XPC: variants seen among roughly 807,000 people sequenced by gnomAD.
The protein encoded by XPC is XPC complex subunit, DNA damage recognition and repair factor.
In XPC, 76 loss-of-function variants were observed where a neutral mutation model predicts 95.8. The observed-to-expected ratio is 0.79, with a 90% CI of 0.66 to 0.96. The LOEUF (loss-of-function observed/expected upper bound fraction) is 0.96, where lower values mean the gene tolerates loss of function less well. Ranked by LOEUF, XPC falls within the 40% of genes least tolerant of loss-of-function variation. The pLI is 0.00. For missense variants in XPC, 1,146 were observed against 1,179.8 expected, an observed-to-expected ratio of 0.97 and a Z score of 0.42; for synonymous variants, 442 against 442.1, an observed-to-expected ratio of 1.00 and a Z score of 0.00.
rs1553604236 is a variant in XPC at position 14,146,130 on chromosome 3, TG to T, written c.2633del (p.Ala878GlufsTer39). On this transcript the variant is annotated frameshift_variant, in exon 16 of 16. Coordinates refer to ENST00000285021, the MANE Select transcript of XPC (RefSeq NM_004628.5). LOFTEE classifies it high-confidence loss of function. ...KSEAAAPHTD[A>X]GGGLSSDEEE... ...CTTCATCAGAAGAGAGTCCACCTCC[TG>T]CATCTGTGTGGGGAGCTGCTGCCTC... 20 of 1,610,762 alleles carry T rather than the reference TG, an allele frequency of 1.2e-5. No individual in the cohort carries two copies. The highest frequency in any genetic ancestry group is 1.7e-5 in the Non-Finnish European group (20 of 1,179,068).
chr3:14,159,220 C>T (rs907121633), intron 8 of XPC, among the ~76,000 whole-genome samples: 2 of 152,198 alleles, frequency 1.3e-5, no homozygotes, highest in African/African-American at 4.8e-5. Context: ...AATTACTTAA[C>T]CTCCGAGTTT....
Position 14,158,199 on chromosome 3 carries a change from C to T in XPC, c.1684G>A (p.Ala562Thr), listed in dbSNP as rs756095918. The T allele has an allele frequency of 3.7e-6, 6 of 1,613,794 alleles. No homozygotes were observed. The highest frequency in any genetic ancestry group is 1.3e-5 in the African/African-American group (1 of 74,888). Reference protein sequence around the residue: ...VGQPLTCYKYATKPMTYVVGI... With the variant: ...VGQPLTCYKYTTKPMTYVVGI... Reference sequence around the variant, plus strand: ...ACCACATAGGTCATGGGCTTGGTGGCGTACTTGTAACAGGTCAGAGGCTGG... The same window carrying T: ...ACCACATAGGTCATGGGCTTGGTGGTGTACTTGTAACAGGTCAGAGGCTGG... The change falls in exon 9 of 16, where the codon GCC (alanine) becomes ACC (threonine). Residue 562 changes from alanine (A) to threonine (T), a missense_variant. Physicochemically the swap from Ala to Thr is moderately conservative, Grantham distance 58. Transcript: ENST00000285021. This position sits in a 1 kb window ranked among gnomAD's most constrained non-coding sequence, Gnocchi z 5.2.
At chr3:14,153,145 A>G (rs1695765131) in intron 10 of XPC, 1 of 152,156 alleles carries the variant, frequency 6.6e-6, no homozygotes. Flanking sequence ...AGGGCACCCC[A>G]TTTCCTCCTA....
intron 11 of XPC, among the ~76,000 whole-genome samples, chr3:14,150,982 C>G (rs1695665587): frequency 6.6e-6 from 1 of 152,126 alleles, no homozygotes; most frequent in African/African-American, 2.4e-5. Flanking sequence ...CCAAGATGCA[C>G]AGAAAGAGCC....
At chr3:14,170,295 A>C in intron 3 of XPC, 143 bp downstream of exon 3, 2 of 703,906 alleles carry the variant, frequency 2.8e-6, no homozygotes, top group Non-Finnish European at 2.3e-6. Flanking sequence ...ATATCAAAGC[A>C]AGTCCCTAGT....
intron 2 of XPC, 168 bp from the exon 3 acceptor site, chr3:14,170,718 C>T: frequency 5.9e-6 from 3 of 506,420 alleles, no homozygotes; most frequent in South Asian, 3.2e-5. Flanking sequence ...ACATGTGTTC[C>T]AAATCTCATC....
chr3:14,167,574 T>C (rs953325536), intron 4 of XPC, among the ~76,000 whole-genome samples: 1 of 152,234 alleles, frequency 6.6e-6, no homozygotes, highest in Non-Finnish European at 1.5e-5. Flanking sequence ...TTCCGACTAC[T>C]GACTCTCTCC....
intron 10 of XPC, 136 bp from the exon 11 acceptor site, chr3:14,152,552 G>T (rs1400247312): frequency 4.1e-6 from 3 of 730,334 alleles, no homozygotes; most frequent in East Asian, 3.1e-5. Context: ...CTCCTAGGGG[G>T]CCCAGAGAAG....
chr3:14,153,405 TTC>T (rs1460345817), intron 10 of XPC: 5 of 152,244 alleles, frequency 3.3e-5, no homozygotes, highest in African/African-American at 7.2e-5. Flanking sequence ...CATACAACCA[TTC>T]TCTTTTTCAT....
chr3:14,169,914 CATT>C (rs762951507), intron 3 of XPC, among the ~76,000 whole-genome samples: 36 of 152,186 alleles, frequency 2.4e-4, no homozygotes, highest in Non-Finnish European at 5.3e-4. Flanking sequence ...GGGATGATAA[CATT>C]AGCTGGTATT....
intron 13 of XPC, 97 bp from the exon 14 acceptor site, chr3:14,148,098 C>A: frequency 2.9e-6 from 3 of 1,033,832 alleles, no homozygotes; most frequent in East Asian, 5.3e-5. Flanking sequence ...CACATCTGAG[C>A]ACTAGGGGTC....
chr3:14,168,937 G>C (rs1251242833), intron 3 of XPC, among the ~76,000 whole-genome samples: 1 of 152,174 alleles, frequency 6.6e-6, no homozygotes, highest in African/African-American at 2.4e-5. Flanking sequence ...TTGCTGAACT[G>C]GATCTAATTG....
At chr3:14,177,829 TGAAGA>T (rs1696892086) in intron 1 of XPC, among the ~76,000 whole-genome samples, 1 of 146,466 alleles carries the variant, frequency 6.8e-6, no homozygotes, top group African/African-American at 2.6e-5. Flanking sequence ...GTCATGGAAA[TGAAGA>T]GAAGTGGACA....
intron 7 of XPC, among the ~76,000 whole-genome samples, chr3:14,162,270 G>C (rs1356216314): frequency 6.6e-6 from 1 of 152,160 alleles, no homozygotes; most frequent in African/African-American, 2.4e-5. Context: ...CTTTTTCACA[G>C]AAATGGAAAA....
chr3:14,147,964 C>A lies in XPC; in HGVS notation c.2458G>T (p.Val820Leu), dbSNP rs775486844. The change falls in exon 14 of 16, where the codon GTG becomes TTG. Residue 820 changes from valine (V) to leucine (L), a missense_variant. By Grantham distance (32) the Val-to-Leu change is conservative (BLOSUM62 1). Transcript: ENST00000285021. The stretch of plus-strand genomic sequence containing the variant: ...TCATTTTCCCAGGCAGTCAGGAGCA[C>A]GTCTTTGAATTCCTCGCAGACGATG... ...GYIVCEEFKD[V>L]LLTAWENEQA... is the part of the protein sequence containing the mutation. 2 of 1,601,266 alleles carry A rather than the reference C, an allele frequency of 1.2e-6. No individual in the cohort carries two copies. Among genetic ancestry groups the A allele is most frequent in the Non-Finnish European group, 1.7e-6 (2 of 1,173,490 alleles).
At position 14,173,017 on chromosome 3, in the gene XPC, T is replaced by C. The variant is rs374372119; in HGVS notation, c.149A>G (p.Lys50Arg). ...EKPPKKSLLS[K>R]VSQGKRKRGC... ...TCTTTTCCTCTTTCCTTGTGAAACT[T>C]TGGAGAGAAGGCTCTTCTTTGGGGG... The change falls in exon 2 of 16, where the codon AAA becomes AGA. Residue 50 changes from lysine (K) to arginine (R), a missense_variant. By Grantham distance (26) the Lys-to-Arg change is conservative. Coordinates refer to ENST00000285021, the MANE Select transcript of XPC (RefSeq NM_004628.5). 23 of 1,609,482 alleles carry C rather than the reference T, an allele frequency of 1.4e-5. No individual in the cohort carries two copies. In the African/African-American group the frequency reaches 1.5e-4, roughly 10 times the overall value.
chr3:14,176,893 G>C (rs1054302734), intron 1 of XPC, among the ~76,000 whole-genome samples: 1 of 152,246 alleles, frequency 6.6e-6, no homozygotes, highest in Non-Finnish European at 1.5e-5. Context: ...CTGAGGTCAG[G>C]AGTTTGAGAC....
intron 5 of XPC, chr3:14,166,050 T>C (rs749260748): frequency 2.8e-4 from 46 of 163,004 alleles, no homozygotes; most frequent in Non-Finnish European, 5.4e-4. Context: ...CTCTGGGTGT[T>C]TGAGCCCAAC....
chr3:14,160,097 A>T (rs534979061), intron 7 of XPC, among the ~76,000 whole-genome samples: 43 of 152,360 alleles, frequency 2.8e-4, no homozygotes, highest in Non-Finnish European at 4.9e-4. Context: ...CATTTTTATA[A>T]GAAAAATATG....
Sources: gnomAD v4.1 joint callset for allele counts (sites outside exome capture counted in the v4.1 genomes callset) on GRCh38, gnomAD v4.1.1 for gene constraint, Gnocchi (gnomAD v3.1) non-coding constraint, MANE v1.5 for transcripts, NCBI Gene and HGNC (gene_info 2026-07-23, HGNC 2026-07-21) for gene names.